Variants in MGAT4C observed in about 807,000 individuals in gnomAD.
The protein encoded by MGAT4C is alpha-1,3-mannosyl-glycoprotein 4-beta-N-acetylglucosaminyltransferase C.
MGAT4C carries 19 observed loss-of-function variants against 40.1 expected under a neutral mutation model. The observed-to-expected ratio is 0.47, with a 90% CI of 0.33 to 0.70. The LOEUF (loss-of-function observed/expected upper bound fraction) is 0.70. Ranked by LOEUF, MGAT4C falls within the 30% of genes least tolerant of loss-of-function variation. MGAT4C has a pLI of 0.02. For synonymous variants in MGAT4C, 181 were observed against 187.1 expected, an observed-to-expected ratio of 0.97 and a Z score of 0.27; for missense variants, 491 against 563.2, an observed-to-expected ratio of 0.87 and a Z score of 1.30.
chr12:86,575,538 G>A (rs1392016863), intron 2 of MGAT4C, among the ~76,000 whole-genome samples: 1 of 151,760 alleles, frequency 6.6e-6, no homozygotes, highest in Non-Finnish European at 1.5e-5. Context: ...CAAATGATTG[G>A]ATCTCATTTT....
intron 2 of MGAT4C, among the ~76,000 whole-genome samples, chr12:86,492,492 C>T (rs150919709): frequency 0.014 from 2,106 of 152,168 alleles, 41 homozygotes; most frequent in African/African-American, 0.048. Flanking sequence ...AATAACACCG[C>T]GTATCTACAG....
intron 2 of MGAT4C, among the ~76,000 whole-genome samples, chr12:86,573,250 C>G (rs1475662865): frequency 1.3e-5 from 2 of 151,916 alleles, no homozygotes; most frequent in Non-Finnish European, 2.9e-5. Context: ...TAAGGTTTTA[C>G]TTGTGATCAT....
chr12:86,446,352 A>T (rs2136283120), intron 2 of MGAT4C, among the ~76,000 whole-genome samples: 1 of 152,068 alleles, frequency 6.6e-6, no homozygotes, highest in South Asian at 2.1e-4. Flanking sequence ...GGTAAAGTAT[A>T]TAATGCACTT....
intron 2 of MGAT4C, among the ~76,000 whole-genome samples, chr12:86,573,015 A>G (rs1960430010): frequency 6.6e-6 from 1 of 151,944 alleles, no homozygotes; most frequent in Admixed American, 6.6e-5. Flanking sequence ...AGTTTTTTAA[A>G]TTTGTGTAGA....
chr12:86,488,658 C>G (rs1958071659), intron 2 of MGAT4C, among the ~76,000 whole-genome samples: 1 of 152,076 alleles, frequency 6.6e-6, no homozygotes, highest in African/African-American at 2.4e-5. Flanking sequence ...ATTCTAAAAT[C>G]TATGAGGAAC....
chr12:86,550,456 C>A (rs1384323397), intron 2 of MGAT4C, among the ~76,000 whole-genome samples: 2 of 152,192 alleles, frequency 1.3e-5, no homozygotes, highest in Admixed American at 6.5e-5. Context: ...GGTGGACAAT[C>A]TCCACCCTTC....
chr12:86,185,591 A>G (rs935659472), intron 1 of MGAT4C, among the ~76,000 whole-genome samples: 1 of 152,156 alleles, frequency 6.6e-6, no homozygotes, highest in Non-Finnish European at 1.5e-5. Flanking sequence ...GCCCCATTCT[A>G]ATTGTGGATA....
intron 2 of MGAT4C, among the ~76,000 whole-genome samples, chr12:86,496,704 A>C (rs1039792150): frequency 2.0e-5 from 3 of 152,054 alleles, no homozygotes; most frequent in African/African-American, 7.2e-5. Flanking sequence ...ATAATGTTCT[A>C]TTAAAAGGTA....
chr12:86,538,110 AAAT>A (rs1959105463), intron 2 of MGAT4C, among the ~76,000 whole-genome samples: 1 of 152,132 alleles, frequency 6.6e-6, no homozygotes, highest in Non-Finnish European at 1.5e-5. Context: ...ACAAATAAAT[AAAT>A]AATAAAAAAT....
intron 2 of MGAT4C, among the ~76,000 whole-genome samples, chr12:86,665,251 A>C (rs1167238633): frequency 6.6e-6 from 1 of 152,212 alleles, no homozygotes; most frequent in African/African-American, 2.4e-5. Flanking sequence ...TGAGGTGGAA[A>C]ACATTAATGG....
At chr12:86,299,933 A>C (rs555241211) in intron 4 of MGAT4C, among the ~76,000 whole-genome samples, 2 of 152,342 alleles carry the variant, frequency 1.3e-5, no homozygotes, top group East Asian at 1.9e-4. Context: ...ATCTGCAACA[A>C]AAATCAATAT....
chr12:86,778,546 C>T (rs1230211262), intron 1 of MGAT4C, among the ~76,000 whole-genome samples: 1 of 152,152 alleles, frequency 6.6e-6, no homozygotes, highest in Non-Finnish European at 1.5e-5. Context: ...TTACATTTAT[C>T]TCCAACATCC....
At chr12:86,678,209 T>G (rs1949902918) in intron 2 of MGAT4C, among the ~76,000 whole-genome samples, 1 of 152,028 alleles carries the variant, frequency 6.6e-6, no homozygotes, top group Non-Finnish European at 1.5e-5. Context: ...AACAAGCTGT[T>G]CCTCCATTTA....
intron 1 of MGAT4C, among the ~76,000 whole-genome samples, chr12:86,219,226 A>G (rs1193430311): frequency 1.3e-5 from 2 of 152,148 alleles, no homozygotes; most frequent in Non-Finnish European, 2.9e-5. Flanking sequence ...TTCAGTGTTG[A>G]GTGTGGACTC....
At chr12:86,302,982 A>G (rs1953851603) in intron 4 of MGAT4C, among the ~76,000 whole-genome samples, 1 of 150,626 alleles carries the variant, frequency 6.6e-6, no homozygotes, top group Non-Finnish European at 1.5e-5. Context: ...CTTCCCGCAC[A>G]TTTTGTGAAG....
At chr12:86,377,027 AC>A in intron 3 of MGAT4C, among the ~76,000 whole-genome samples, 1 of 151,946 alleles carries the variant, frequency 6.6e-6, no homozygotes, top group South Asian at 2.1e-4. Flanking sequence ...GTTAAAAGAA[AC>A]AAAAATATTA....
At chr12:86,804,243 A>C (rs978605050) in intron 1 of MGAT4C, among the ~76,000 whole-genome samples, 37 of 135,672 alleles carry the variant, frequency 2.7e-4, no homozygotes, top group Non-Finnish European at 4.7e-4. Flanking sequence ...AGGAAGGGGA[A>C]TATCACACTC....
At chr12:86,043,277 C>T (rs1892055047) in intron 2 of MGAT4C, among the ~76,000 whole-genome samples, 1 of 152,156 alleles carries the variant, frequency 6.6e-6, no homozygotes, top group South Asian at 2.1e-4. Flanking sequence ...AATAGGTCGT[C>T]TGCAAGCTGA....
chr12:85,999,328 T>C lies in MGAT4C; in HGVS notation c.-6-9776A>G, dbSNP rs1192670215. ...AATACACATTCTTTTCAAATGCACA[T>C]AGAAGATTTTCTAAAACAGACCTGA... On this transcript the variant is annotated intron_variant, in intron 2 of 4. Transcript: ENST00000611864. Among the ~76,000 whole-genome samples, 8 of 152,064 alleles carry C rather than the reference T, an allele frequency of 5.3e-5. No homozygotes were observed. The East Asian group carries it at 1.4e-3, about 26-fold the overall frequency.
Sources: allele counts gnomAD v4.1 joint callset (sites outside exome capture counted in the v4.1 genomes callset), GRCh38; gene constraint gnomAD v4.1.1; transcripts MANE v1.5; gene names NCBI Gene and HGNC (gene_info 2026-07-23, HGNC 2026-07-21).